The following B3GALT1 variants were observed in gnomAD, a reference collection of about 807,000 sequenced individuals.
B3GALT1 encodes the protein UDP-Gal:betaGlcNAc beta 1,3-galactosyltransferase, polypeptide 1.
Under a neutral mutation model 23.2 loss-of-function variants are expected in B3GALT1, and 10 were observed. The observed-to-expected ratio is 0.43, with a 90% CI of 0.27 to 0.73. B3GALT1 has a LOEUF of 0.73. Among genes scored for constraint, B3GALT1 ranks in the 30% least tolerant of loss-of-function variants. The pLI, the probability that B3GALT1 is intolerant of heterozygous loss-of-function variation, is 0.21. For missense variants in B3GALT1, 299 were observed against 405.4 expected (o/e 0.74, Z 2.25); for synonymous variants, 156 against 141.5 (o/e 1.10, Z -0.73).
intron 3 of B3GALT1, among the ~76,000 whole-genome samples, chr2:167,674,074 G>A (rs1444832472): frequency 6.6e-6 from 1 of 151,908 alleles, no homozygotes; most frequent in Non-Finnish European, 1.5e-5. Context: ...TGCAACAAGT[G>A]GTCTCAGGAT....
At chr2:167,342,761 T>C (rs960298854) in intron 1 of B3GALT1, among the ~76,000 whole-genome samples, 1 of 152,142 alleles carries the variant, frequency 6.6e-6, no homozygotes, top group African/African-American at 2.4e-5. Flanking sequence ...GATTTCCGTG[T>C]ACATGGCCTG....
chr2:167,812,960 TACAC>T (rs376818432), intron 3 of B3GALT1, among the ~76,000 whole-genome samples: 1 of 139,980 alleles, frequency 7.1e-6, no homozygotes, highest in African/African-American at 2.7e-5. Context: ...CATACATGCA[TACAC>T]ACACACACAC....
At chr2:167,836,277 GA>G (rs1270405303) in intron 4 of B3GALT1, among the ~76,000 whole-genome samples, 1 of 152,034 alleles carries the variant, frequency 6.6e-6, no homozygotes, top group Non-Finnish European at 1.5e-5. Flanking sequence ...TAAAAACTTT[GA>G]AAAAAATTTA....
chr2:167,443,351 A>G lies in B3GALT1; in HGVS notation c.-510-46826A>G, dbSNP rs899074157. 4.6e-5 allele frequency among the ~76,000 whole-genome samples: 7 copies of G among 152,246 alleles called. No homozygotes were observed. The East Asian group carries it at 7.7e-4, about 17-fold the overall frequency. On this transcript the variant is annotated intron_variant, in intron 1 of 4. Transcript: ENST00000392690. ...TCTTTTGGCTTAGGATTGACTTGGCAATGCGGACTCTTTTTTGGTTCCATA... is the reference window on the plus strand; with the variant it reads ...TCTTTTGGCTTAGGATTGACTTGGCGATGCGGACTCTTTTTTGGTTCCATA...
chr2:167,607,534 T>TGC (rs1302325125), intron 2 of B3GALT1, among the ~76,000 whole-genome samples: 1 of 152,122 alleles, frequency 6.6e-6, no homozygotes, highest in Non-Finnish European at 1.5e-5. Flanking sequence ...CGTGTGTGTG[T>TGC]GCACAGGTGC....
chr2:167,711,354 C>T (rs984242503), intron 3 of B3GALT1, among the ~76,000 whole-genome samples: 2 of 152,086 alleles, frequency 1.3e-5, no homozygotes, highest in African/African-American at 4.8e-5. Context: ...CATTGTAACC[C>T]AGCACCTGCA....
intron 1 of B3GALT1, among the ~76,000 whole-genome samples, chr2:167,303,055 T>C (rs1191507572): frequency 1.3e-5 from 2 of 152,174 alleles, no homozygotes; most frequent in African/African-American, 4.8e-5. Flanking sequence ...TCTCATGAAC[T>C]ATATTTGAGC....
At chr2:167,486,357 C>CAAAAAA (rs56092916) in intron 1 of B3GALT1, among the ~76,000 whole-genome samples, 1 of 113,430 alleles carries the variant, frequency 8.8e-6, no homozygotes, top group Non-Finnish European at 1.9e-5. Flanking sequence ...GACTCTGTCT[C>CAAAAAA]AAAAAAAAAA....
intron 4 of B3GALT1, among the ~76,000 whole-genome samples, chr2:167,850,398 A>G (rs779464397): frequency 6.6e-6 from 1 of 152,182 alleles, no homozygotes; most frequent in Non-Finnish European, 1.5e-5. Context: ...AAAACAGTAG[A>G]TGTTGGCATG....
chr2:167,397,564 G>A (rs2689846), intron 1 of B3GALT1, among the ~76,000 whole-genome samples: 141,841 of 152,080 alleles, frequency 0.93, 66,621 homozygotes, highest in Non-Finnish European at 0.99. Flanking sequence ...CTTGGACACT[G>A]GGGGAATGGA....
At chr2:167,388,165 G>A (rs1051282349) in intron 1 of B3GALT1, among the ~76,000 whole-genome samples, 6 of 152,160 alleles carry the variant, frequency 3.9e-5, no homozygotes, top group Non-Finnish European at 8.8e-5. Flanking sequence ...ATTGGGAGAT[G>A]TAAAATGATG....
intron 1 of B3GALT1, among the ~76,000 whole-genome samples, chr2:167,486,033 T>C (rs1699622153): frequency 6.6e-6 from 1 of 152,092 alleles, no homozygotes; most frequent in Non-Finnish European, 1.5e-5. Flanking sequence ...ATCTAATGGA[T>C]TGAAATTTGA....
chr2:167,468,269 A>G (rs937790085), intron 1 of B3GALT1, among the ~76,000 whole-genome samples: 3 of 152,180 alleles, frequency 2.0e-5, no homozygotes, highest in African/African-American at 7.2e-5. Context: ...TTTAAAATCA[A>G]ATCTAATCAG....
intron 1 of B3GALT1, among the ~76,000 whole-genome samples, chr2:167,317,793 CTT>C (rs1696741882): frequency 6.6e-6 from 1 of 152,054 alleles, no homozygotes; most frequent in Admixed American, 6.5e-5. Context: ...AGAATTTAAT[CTT>C]GAGACTATTT....
chr2:167,599,893 C>A (rs181850241), intron 2 of B3GALT1, among the ~76,000 whole-genome samples: 1 of 151,768 alleles, frequency 6.6e-6, no homozygotes, highest in African/African-American at 2.4e-5. Flanking sequence ...TGGTTGTTGA[C>A]GATTAATCAT....
chr2:167,792,844 CA>C (rs1323488654), intron 3 of B3GALT1, among the ~76,000 whole-genome samples: 9 of 147,918 alleles, frequency 6.1e-5, no homozygotes, highest in Non-Finnish European at 1.2e-4. Flanking sequence ...GGAACAAAAG[CA>C]AGATGGGGAA....
chr2:167,652,645 G>A (rs1685887574), intron 3 of B3GALT1, among the ~76,000 whole-genome samples: 1 of 152,084 alleles, frequency 6.6e-6, no homozygotes, highest in Non-Finnish European at 1.5e-5. Flanking sequence ...CTGCTTAAAT[G>A]TGGTACATCT....
intron 1 of B3GALT1, among the ~76,000 whole-genome samples, chr2:167,365,324 T>C (rs1022305622): frequency 6.6e-6 from 1 of 152,162 alleles, no homozygotes; most frequent in Non-Finnish European, 1.5e-5. Flanking sequence ...TTGGTAAAGC[T>C]GCCTGAAAAC....
chr2:167,846,193 A>G (rs1689757186), intron 4 of B3GALT1, among the ~76,000 whole-genome samples: 1 of 152,228 alleles, frequency 6.6e-6, no homozygotes, highest in Non-Finnish European at 1.5e-5. Context: ...AGAAAAATCG[A>G]GGAAAACTTC....
Sources: gnomAD v4.1 joint callset for allele counts (sites outside exome capture counted in the v4.1 genomes callset) on GRCh38, gnomAD v4.1.1 for gene constraint, MANE v1.5 for transcripts, NCBI Gene and HGNC (gene_info 2026-07-23, HGNC 2026-07-21) for gene names.